Variants in RASGRF2 observed in about 807,000 individuals in gnomAD.
RASGRF2 encodes Ras protein specific guanine nucleotide releasing factor 2.
RASGRF2 carries 76 observed loss-of-function variants against 151.0 expected under a neutral mutation model. That is an observed-to-expected ratio of 0.50 (90% CI 0.42 to 0.61). The LOEUF is 0.61. Among genes scored for constraint, RASGRF2 ranks in the 20% least tolerant of loss-of-function variants. The pLI is 0.00. For synonymous variants in RASGRF2, 504 were observed against 566.5 expected (o/e 0.89, Z 1.57); for missense variants, 1,148 against 1,564.6 (o/e 0.73, Z 4.49).
At chr5:81,214,343 G>T (rs1755688507) in intron 23 of RASGRF2, among the ~76,000 whole-genome samples, 1 of 152,328 alleles carries the variant, frequency 6.6e-6, no homozygotes, top group African/African-American at 2.4e-5. Context: ...GCTGTCTCTA[G>T]AGCCAAGCGC....
chr5:81,008,323 GTATTTTTAATAGAGACGA>G (rs1749344876), intron 1 of RASGRF2, among the ~76,000 whole-genome samples: 1 of 151,672 alleles, frequency 6.6e-6, no homozygotes, highest in Non-Finnish European at 1.5e-5. Flanking sequence ...GCTAATTTTT[GTATTTTTAATAGAGACGA>G]GGTTTCACCC....
chr5:81,130,135 C>G lies in RASGRF2; in HGVS notation c.2686+2972C>G, dbSNP rs369540770. On this transcript the variant is annotated intron_variant, in intron 17 of 26. Coordinates refer to ENST00000265080, the MANE Select transcript of RASGRF2 (RefSeq NM_006909.3). Reference sequence around the variant, plus strand: ...AGCTGAAATAGTCTTAGGAAGAAAACCCTTCTTCAGCGAGCTGGCTCCTGG... The same window carrying G: ...AGCTGAAATAGTCTTAGGAAGAAAAGCCTTCTTCAGCGAGCTGGCTCCTGG... 5.3e-5 allele frequency among the ~76,000 whole-genome samples: 8 copies of G among 152,184 alleles called. No individual in the cohort carries two copies. In the East Asian group the frequency reaches 1.3e-3, roughly 26 times the overall value.
chr5:81,159,962 A>T (rs1211256091), intron 17 of RASGRF2, among the ~76,000 whole-genome samples: 5 of 152,186 alleles, frequency 3.3e-5, no homozygotes, highest in Non-Finnish European at 7.3e-5. Context: ...ACCCTCTCCC[A>T]GGGATCTTAT....
chr5:81,100,175 G>A (rs926833689), intron 12 of RASGRF2, among the ~76,000 whole-genome samples: 1 of 152,024 alleles, frequency 6.6e-6, no homozygotes. Context: ...CCAAAGTGCT[G>A]GGATTACAGG....
chr5:80,976,278 C>T (rs1221124549), intron 1 of RASGRF2, among the ~76,000 whole-genome samples: 4 of 152,198 alleles, frequency 2.6e-5, no homozygotes, highest in African/African-American at 9.7e-5. Flanking sequence ...ATGCACTTTC[C>T]ATATATTATC....
chr5:80,968,266 G>A (rs1215977338), intron 1 of RASGRF2, among the ~76,000 whole-genome samples: 4 of 152,102 alleles, frequency 2.6e-5, no homozygotes, highest in Non-Finnish European at 5.9e-5. Context: ...ACACAAAATA[G>A]AATATTTCAG....
intron 1 of RASGRF2, among the ~76,000 whole-genome samples, chr5:80,969,683 C>T (rs1309775708): frequency 6.6e-6 from 1 of 151,674 alleles, no homozygotes; most frequent in Non-Finnish European, 1.5e-5. Flanking sequence ...GATCTCCTGA[C>T]CTCGTGATCC....
At chr5:81,214,085 A>G (rs1325985651) in intron 23 of RASGRF2, among the ~76,000 whole-genome samples, 2 of 152,116 alleles carry the variant, frequency 1.3e-5, no homozygotes, top group Admixed American at 1.3e-4. Context: ...TCACCAAGGG[A>G]TCCCTAAATC....
chr5:81,090,087 C>A (rs1336717507), intron 9 of RASGRF2, among the ~76,000 whole-genome samples: 2 of 152,108 alleles, frequency 1.3e-5, no homozygotes, highest in Non-Finnish European at 2.9e-5. Flanking sequence ...AGACATGGAC[C>A]TTTCTGGTAT....
At chr5:81,021,977 TG>T (rs1205996071) in intron 1 of RASGRF2, among the ~76,000 whole-genome samples, 1 of 152,082 alleles carries the variant, frequency 6.6e-6, no homozygotes, top group Non-Finnish European at 1.5e-5. Flanking sequence ...AGTTCCTTGG[TG>T]GGGGTCTTCA....
At chr5:81,020,422 C>T (rs982394462) in intron 1 of RASGRF2, among the ~76,000 whole-genome samples, 14 of 152,130 alleles carry the variant, frequency 9.2e-5, no homozygotes, top group Non-Finnish European at 2.1e-4. Flanking sequence ...GTGTAGTCAT[C>T]ATCGTGTATG....
intron 1 of RASGRF2, among the ~76,000 whole-genome samples, chr5:81,024,307 T>C (rs924387174): frequency 7.2e-6 from 1 of 139,246 alleles, no homozygotes; most frequent in African/African-American, 2.7e-5. Flanking sequence ...TTGCCCAGCC[T>C]GGAATGCAGT....
chr5:81,124,671 A>G (rs1486136040), intron 16 of RASGRF2, among the ~76,000 whole-genome samples: 1 of 147,772 alleles, frequency 6.8e-6, no homozygotes, highest in African/African-American at 2.6e-5. Flanking sequence ...TTGGGAACAT[A>G]ATAAATGTCC....
intron 1 of RASGRF2, among the ~76,000 whole-genome samples, chr5:80,996,548 TCCCCCTCCTCCTCCTCCC>T (rs1561544961): frequency 3.0e-5 from 1 of 33,582 alleles, no homozygotes; most frequent in Non-Finnish European, 5.2e-5. Context: ...CTCCTCCTCC[TCCCCCTCCTCCTCCTCCC>T]CCTCCTCCTC....
intron 20 of RASGRF2, 43 bp from the exon 21 acceptor site, chr5:81,207,203 G>T: frequency 9.7e-6 from 15 of 1,545,032 alleles, no homozygotes; most frequent in Non-Finnish European, 1.3e-5. Flanking sequence ...GATGGCAGGC[G>T]CCCTCTCCTG....
At chr5:81,102,951 G>T (rs1490173500) in intron 12 of RASGRF2, among the ~76,000 whole-genome samples, 1 of 152,132 alleles carries the variant, frequency 6.6e-6, no homozygotes, top group African/African-American at 2.4e-5. Context: ...GACTCAGCAG[G>T]CATGGAGAGC....
At chr5:81,071,327 G>T (rs1751767537) in intron 4 of RASGRF2, among the ~76,000 whole-genome samples, 1 of 151,908 alleles carries the variant, frequency 6.6e-6, no homozygotes, top group Admixed American at 6.6e-5. Flanking sequence ...CCCTTTCACT[G>T]TAACAAAACT....
chr5:81,087,800 A>C, intron 9 of RASGRF2: 1 of 177,176 alleles, frequency 5.6e-6, no homozygotes, highest in Non-Finnish European at 1.2e-5. Flanking sequence ...ACTCAAATTA[A>C]TCGTTAATGT....
chr5:80,998,688 G>A (rs764741579), intron 1 of RASGRF2, among the ~76,000 whole-genome samples: 1 of 152,054 alleles, frequency 6.6e-6, no homozygotes, highest in Non-Finnish European at 1.5e-5. Context: ...AGTGCCTTCT[G>A]CTGTGCGTTC....
Sources: allele counts gnomAD v4.1 joint callset (sites outside exome capture counted in the v4.1 genomes callset), GRCh38; gene constraint gnomAD v4.1.1; transcripts MANE v1.5; gene names NCBI Gene and HGNC (gene_info 2026-07-23, HGNC 2026-07-21).